Variants in TASP1 observed in about 807,000 individuals in gnomAD.
TASP1 encodes the protein threonine aspartase 1.
In TASP1, 16 loss-of-function variants were observed where a neutral mutation model predicts 56.6. The observed-to-expected ratio is 0.28, with a 90% CI of 0.19 to 0.43. The LOEUF is 0.43. Among genes scored for constraint, TASP1 ranks in the 20% least tolerant of loss-of-function variants. The pLI is 1.00. For missense variants in TASP1, 393 were observed against 511.6 expected, an observed-to-expected ratio of 0.77 and a Z score of 2.24; for synonymous variants, 179 against 184.2, an observed-to-expected ratio of 0.97 and a Z score of 0.23.
rs1007293150 is a variant in TASP1, at chr20:13,577,632, A to T, written c.488+3265T>A. Among the ~76,000 whole-genome samples, 11 of 152,180 alleles carry T rather than the reference A, an allele frequency of 7.2e-5. 1 individual carries two copies. In the South Asian group the frequency reaches 2.3e-3, roughly 32 times the overall value. ...TCTCTCTCAACAACCCCTTCCCTAC[A>T]CCCCTATCTCTAGTGTAAGGACACA... On this transcript the variant is annotated intron_variant, in intron 6 of 13. Coordinates refer to ENST00000337743, the MANE Select transcript of TASP1 (RefSeq NM_017714.3).
intron 5 of TASP1, among the ~76,000 whole-genome samples, chr20:13,582,684 C>G (rs2047168730): frequency 6.6e-6 from 1 of 152,018 alleles, no homozygotes; most frequent in Non-Finnish European, 1.5e-5. Context: ...TTTAATATTT[C>G]AAATCAGTAG....
At chr20:13,621,944 CTT>C (rs1292482248) in intron 4 of TASP1, among the ~76,000 whole-genome samples, 5 of 152,178 alleles carry the variant, frequency 3.3e-5, no homozygotes, top group Non-Finnish European at 7.3e-5. Flanking sequence ...ATGAAGCCCT[CTT>C]TGTGTGTCTG....
At position 13,389,653 on chromosome 20, in the gene TASP1, G is replaced by A. The variant is rs748123822; in HGVS notation, c.*707C>T. ...TTTCATAATATAGTCCATACAGCTC[G>A]AAGCTATGCAATATTTAAGCTTAGA... On this transcript the variant is annotated 3_prime_UTR_variant, in exon 14 of 14. Coordinates refer to ENST00000337743, the MANE Select transcript of TASP1 (RefSeq NM_017714.3). 6 of 152,530 alleles carry A rather than the reference G, an allele frequency of 3.9e-5. No homozygotes were observed. The highest frequency in any genetic ancestry group is 5.9e-5 in the Non-Finnish European group (4 of 68,040). 9.4% of individuals were successfully genotyped at this position (152,530 alleles called of 1,614,324 possible).
chr20:13,442,480 T>A (rs2043252649), intron 11 of TASP1, among the ~76,000 whole-genome samples: 1 of 151,946 alleles, frequency 6.6e-6, no homozygotes, highest in Non-Finnish European at 1.5e-5. Context: ...CTGTCTCTAC[T>A]AAAAATACAA....
At chr20:13,598,856 A>T (rs1169758174) in intron 4 of TASP1, among the ~76,000 whole-genome samples, 10 of 152,320 alleles carry the variant, frequency 6.6e-5, no homozygotes, top group African/African-American at 2.4e-4. Flanking sequence ...CCCCATCAAA[A>T]AGTAGGCAAA....
the TASP1 span, among the ~76,000 whole-genome samples, chr20:13,292,023 T>C: frequency 6.6e-6 from 1 of 152,202 alleles, no homozygotes; most frequent in Non-Finnish European, 1.5e-5. Context: ...AAGAACAAGA[T>C]ATTAAACACT....
chr20:13,127,236 G>T, the TASP1 span, among the ~76,000 whole-genome samples: 1 of 152,156 alleles, frequency 6.6e-6, no homozygotes, highest in Non-Finnish European at 1.5e-5. Context: ...GTGCTACTTT[G>T]CTCAACCCAA....
the TASP1 span, among the ~76,000 whole-genome samples, chr20:13,343,032 G>A: frequency 6.6e-6 from 1 of 152,210 alleles, no homozygotes; most frequent in African/African-American, 2.4e-5. Flanking sequence ...TTCTCCTGAG[G>A]AAATACCACA....
the TASP1 span, among the ~76,000 whole-genome samples, chr20:13,133,963 A>AAGCTGGGTACTC: frequency 6.6e-6 from 1 of 152,218 alleles, no homozygotes; most frequent in African/African-American, 2.4e-5. Context: ...CCCACTGGAC[A>AAGCTGGGTACTC]AGCTGGGTAC....
chr20:13,132,928 G>T, the TASP1 span: 6 of 153,524 alleles, frequency 3.9e-5, no homozygotes, highest in African/African-American at 9.6e-5. Flanking sequence ...AGCCCCTGCA[G>T]CCTGTCCCCC....
chr20:13,163,287 GA>G, the TASP1 span, among the ~76,000 whole-genome samples: 1 of 147,676 alleles, frequency 6.8e-6, no homozygotes, highest in African/African-American at 2.5e-5. Context: ...AGAATCACTT[GA>G]ACCCGGGAGG....
intron 10 of TASP1, among the ~76,000 whole-genome samples, chr20:13,501,364 A>G (rs559553655): frequency 6.6e-6 from 1 of 152,142 alleles, no homozygotes; most frequent in African/African-American, 2.4e-5. Context: ...TAAATTTTTT[A>G]AAAGACAACT....
chr20:13,295,023 T>C, the TASP1 span, among the ~76,000 whole-genome samples: 1 of 152,122 alleles, frequency 6.6e-6, no homozygotes, highest in African/African-American at 2.4e-5. Context: ...CCTCGTTCTA[T>C]TGATGAGTGC....
chr20:13,110,040 TG>T, the TASP1 span: 2 of 1,329,800 alleles, frequency 1.5e-6, no homozygotes, highest in African/African-American at 1.5e-5. Flanking sequence ...ATAAAACATC[TG>T]GAAAAAGAAA....
chr20:13,459,870 G>A (rs1033703714), intron 11 of TASP1, among the ~76,000 whole-genome samples: 8 of 151,934 alleles, frequency 5.3e-5, no homozygotes, highest in African/African-American at 9.7e-5. Flanking sequence ...ACCTCTGCCC[G>A]AACACACACA....
intron 9 of TASP1, among the ~76,000 whole-genome samples, chr20:13,532,216 A>G (rs2045248475): frequency 6.6e-6 from 1 of 152,174 alleles, no homozygotes; most frequent in Non-Finnish European, 1.5e-5. Flanking sequence ...TCAAATTACC[A>G]TTCACCATCT....
chr20:13,553,567 G>A (rs1467366715), intron 8 of TASP1, among the ~76,000 whole-genome samples: 3 of 151,940 alleles, frequency 2.0e-5, no homozygotes, highest in Non-Finnish European at 2.9e-5. Context: ...AATAAGCAAG[G>A]ATGAAACAAA....
At chr20:13,610,436 G>A (rs893305236) in intron 4 of TASP1, among the ~76,000 whole-genome samples, 8 of 152,100 alleles carry the variant, frequency 5.3e-5, no homozygotes, top group East Asian at 1.9e-4. Context: ...GAAATGTTCC[G>A]TTTGCTGATC....
the TASP1 span, among the ~76,000 whole-genome samples, chr20:13,252,538 G>A: frequency 6.6e-5 from 10 of 152,070 alleles, no homozygotes; most frequent in Admixed American, 1.3e-4. Context: ...ATCATTTGAG[G>A]TCTGGAGTTC....
Sources: allele counts gnomAD v4.1 joint callset (sites outside exome capture counted in the v4.1 genomes callset), GRCh38; gene constraint gnomAD v4.1.1; transcripts MANE v1.5; gene names NCBI Gene and HGNC (gene_info 2026-07-23, HGNC 2026-07-21).